ARHGAP44: variants seen among roughly 807,000 people sequenced by gnomAD.
The protein encoded by ARHGAP44 is rho GTPase-activating protein 44.
Under a neutral mutation model 106.8 loss-of-function variants are expected in ARHGAP44, and 43 were observed. The ratio of observed to expected loss-of-function variants is 0.40; its 90% CI spans 0.32 to 0.52. ARHGAP44 has a LOEUF of 0.52. Ranked by LOEUF, ARHGAP44 falls within the 20% of genes least tolerant of loss-of-function variation. The pLI, the probability that ARHGAP44 is intolerant of heterozygous loss-of-function variation, is 0.48. For missense variants in ARHGAP44, 866 were observed against 1,050.5 expected (o/e 0.82, Z 2.43); for synonymous variants, 439 against 410.3 (o/e 1.07, Z -0.85).
intron 19 of ARHGAP44, among the ~76,000 whole-genome samples, chr17:12,983,665 G>GTT (rs2039887055): frequency 6.6e-6 from 1 of 151,902 alleles, no homozygotes; most frequent in Non-Finnish European, 1.5e-5. Flanking sequence ...TTAGCCAGGC[G>GTT]TGGTGGTGGG....
chr17:12,944,160 T>C lies in ARHGAP44; in HGVS notation c.825T>C (p.Cys275=). The C allele has an allele frequency of 6.2e-7, 1 of 1,612,180 alleles. No homozygotes were observed. The highest frequency in any genetic ancestry group is 8.5e-7 in the Non-Finnish European group (1 of 1,179,672). The change falls in exon 10 of 21, where the codon TGT becomes TGC. Residue 275 remains cysteine (C), a synonymous_variant. Coordinates refer to ENST00000379672, the MANE Select transcript of ARHGAP44 (RefSeq NM_014859.6). ...GREIAFPIEA[C]VTMLLECGMQ... Reference sequence around the variant, plus strand: ...AGATCGCCTTCCCCATCGAGGCGTGTGTGACCATGCTGCTTGAGTGTGGGA... The same window carrying C: ...AGATCGCCTTCCCCATCGAGGCGTGCGTGACCATGCTGCTTGAGTGTGGGA...
intron 16 of ARHGAP44, among the ~76,000 whole-genome samples, chr17:12,961,268 A>G (rs933723937): frequency 6.6e-6 from 1 of 152,216 alleles, no homozygotes; most frequent in Non-Finnish European, 1.5e-5. Flanking sequence ...TCTTGAGCAG[A>G]TACCTTATCT....
chr17:12,791,618 A>T (rs866494235), intron 1 of ARHGAP44, among the ~76,000 whole-genome samples: 1 of 152,070 alleles, frequency 6.6e-6, no homozygotes, highest in Non-Finnish European at 1.5e-5. Flanking sequence ...CTGTTTTTAA[A>T]TGGGGGAGAT....
In ARHGAP44 at chr17:12,967,249, C is replaced by CT. The variant is rs57651305; in HGVS notation, c.1524-6027dup. On this transcript the variant is annotated intron_variant, in intron 16 of 20. Coordinates refer to ENST00000379672, the MANE Select transcript of ARHGAP44 (RefSeq NM_014859.6). The stretch of plus-strand genomic sequence containing the variant: ...AGATCCTGATCCACAACTCTTTTTG[C>CT]TTTTTTTTTTTTTTTTTTTTTTTTT... Among the ~76,000 whole-genome samples, 615 of 93,164 alleles carry CT rather than the reference C, an allele frequency of 6.6e-3. 20 individuals are homozygous for CT. Among genetic ancestry groups the CT allele is most frequent in the Non-Finnish European group, 9.6e-3 (457 of 47,496 alleles). The allele number at this position is 93,164 out of a possible 152,430, so 61.1% of individuals were successfully genotyped here. A position where few individuals can be genotyped will look rare whatever the true frequency, so the allele number is the denominator to read the frequency against.
intron 1 of ARHGAP44, among the ~76,000 whole-genome samples, chr17:12,839,820 A>G (rs2035341056): frequency 6.6e-6 from 1 of 152,214 alleles, no homozygotes; most frequent in Admixed American, 6.5e-5. Context: ...ATTTTCAAAT[A>G]CAGTTAAGGG....
At chr17:12,865,633 C>A (rs2036216514) in intron 1 of ARHGAP44, among the ~76,000 whole-genome samples, 2 of 151,842 alleles carry the variant, frequency 1.3e-5, no homozygotes, top group Non-Finnish European at 2.9e-5. Flanking sequence ...ACTAAAAATA[C>A]AAAAAATTAG....
chr17:12,888,030 T>A (rs1294495468), intron 1 of ARHGAP44, among the ~76,000 whole-genome samples: 1 of 152,132 alleles, frequency 6.6e-6, no homozygotes, highest in African/African-American at 2.4e-5. Context: ...AGAGATTTTT[T>A]AAACTTTATT....
intron 7 of ARHGAP44, among the ~76,000 whole-genome samples, chr17:12,938,584 A>ATTT (rs2150977698): frequency 7.5e-6 from 1 of 133,764 alleles, no homozygotes; most frequent in African/African-American, 3.1e-5. Flanking sequence ...CTATATATTA[A>ATTT]AAAAAAAAAA....
At chr17:12,955,808 C>A in intron 13 of ARHGAP44, 59 bp from the exon 14 acceptor site, 1 of 1,043,686 alleles carries the variant, frequency 9.6e-7, no homozygotes. Context: ...GTCCAGTCCC[C>A]GGGGGACATG....
intron 1 of ARHGAP44, among the ~76,000 whole-genome samples, chr17:12,885,357 T>C (rs1419285496): frequency 6.7e-6 from 1 of 148,924 alleles, no homozygotes; most frequent in Non-Finnish European, 1.5e-5. Context: ...GTGTGTAACA[T>C]AAATGTTCTT....
At chr17:12,843,651 C>CTTTTTT (rs146749216) in intron 1 of ARHGAP44, among the ~76,000 whole-genome samples, 50 of 97,100 alleles carry the variant, frequency 5.1e-4, no homozygotes, top group East Asian at 1.4e-3. Flanking sequence ...GTATTGGTTA[C>CTTTTTT]TTTTTTTTTT....
intron 18 of ARHGAP44, among the ~76,000 whole-genome samples, chr17:12,977,488 T>C (rs12944203): frequency 0.097 from 14,809 of 152,212 alleles, 782 homozygotes; most frequent in Admixed American, 0.13. Context: ...AGCCAGGCTC[T>C]GCCTCCACAT....
intron 1 of ARHGAP44, among the ~76,000 whole-genome samples, chr17:12,880,648 T>A (rs1489779883): frequency 6.6e-6 from 1 of 151,962 alleles, no homozygotes; most frequent in African/African-American, 2.4e-5. Flanking sequence ...TCGATGGCCA[T>A]TTTTTGAATG....
At chr17:12,817,919 C>T (rs1469899713) in intron 1 of ARHGAP44, among the ~76,000 whole-genome samples, 2 of 151,876 alleles carry the variant, frequency 1.3e-5, no homozygotes, top group African/African-American at 2.4e-5. Context: ...GGTATTTTCA[C>T]TGACAGTTGT....
rs907114428 is a variant in ARHGAP44, at chr17:12,958,404, G to A, written c.1343-313G>A. ...TCCTGATTAGTTTAGGACAGCTGTC[G>A]GCTTTCAGTCTTAAGCATGAGGTTT... On this transcript the variant is annotated intron_variant, in intron 15 of 20. Coordinates refer to ENST00000379672, the MANE Select transcript of ARHGAP44 (RefSeq NM_014859.6). This position sits in a 1 kb window ranked among gnomAD's most constrained non-coding sequence, Gnocchi z 4.1. Among the ~76,000 whole-genome samples the A allele has an allele frequency of 2.6e-5, 4 of 152,120 alleles. No homozygotes were observed. Among genetic ancestry groups the A allele is most frequent in the Non-Finnish European group, 4.4e-5 (3 of 67,988 alleles).
At chr17:12,978,036 C>CAA (rs1157325814) in intron 18 of ARHGAP44, among the ~76,000 whole-genome samples, 4 of 89,292 alleles carry the variant, frequency 4.5e-5, no homozygotes, top group African/African-American at 1.9e-4. Flanking sequence ...GACTCCATCT[C>CAA]AAAAAAAAAA....
chr17:12,964,355 A>G (rs2039338623), intron 16 of ARHGAP44, among the ~76,000 whole-genome samples: 1 of 152,170 alleles, frequency 6.6e-6, no homozygotes, highest in South Asian at 2.1e-4. Flanking sequence ...GTCAGGGAGC[A>G]CCCATGGAGC....
At chr17:12,824,538 G>C (rs2034864155) in intron 1 of ARHGAP44, among the ~76,000 whole-genome samples, 1 of 152,018 alleles carries the variant, frequency 6.6e-6, no homozygotes, top group Non-Finnish European at 1.5e-5. Flanking sequence ...CCATCTGATT[G>C]AGTTGGAAAC....
chr17:12,810,082 G>A (rs2034392999), intron 1 of ARHGAP44, among the ~76,000 whole-genome samples: 1 of 150,262 alleles, frequency 6.7e-6, no homozygotes, highest in South Asian at 2.1e-4. Context: ...GGCCTGTGGG[G>A]CATTAGAAAG....
Sources: gnomAD v4.1 joint callset for allele counts (sites outside exome capture counted in the v4.1 genomes callset) on GRCh38, gnomAD v4.1.1 for gene constraint, Gnocchi (gnomAD v3.1) non-coding constraint, MANE v1.5 for transcripts, NCBI Gene and HGNC (gene_info 2026-07-23, HGNC 2026-07-21) for gene names.